NFIB: variants seen among roughly 807,000 people sequenced by gnomAD.
NFIB encodes nuclear factor 1 B-type.
Under a neutral mutation model 61.5 loss-of-function variants are expected in NFIB, and 11 were observed. The observed-to-expected ratio is 0.18, with a 90% CI of 0.11 to 0.30. NFIB has a LOEUF of 0.30. Among genes scored for constraint, NFIB ranks in the 10% least tolerant of loss-of-function variants. NFIB has a pLI of 1.00. For synonymous variants in NFIB, 260 were observed against 216.5 expected, an observed-to-expected ratio of 1.20 and a Z score of -1.76; for missense variants, 471 against 608.9, an observed-to-expected ratio of 0.77 and a Z score of 2.38.
intron 10 of NFIB, among the ~76,000 whole-genome samples, chr9:14,104,744 C>T (rs2036303744): frequency 6.8e-6 from 1 of 147,388 alleles, no homozygotes; most frequent in Admixed American, 6.8e-5. Context: ...CCATGCCTGG[C>T]TAATTAAAAA....
chr9:14,159,930 A>G (rs1459519016), intron 3 of NFIB, among the ~76,000 whole-genome samples: 1 of 152,208 alleles, frequency 6.6e-6, no homozygotes, highest in African/African-American at 2.4e-5. Context: ...TACAACAGCT[A>G]AAGATCTTAA....
intron 2 of NFIB, among the ~76,000 whole-genome samples, chr9:14,227,610 T>A (rs924343821): frequency 1.3e-5 from 2 of 152,262 alleles, no homozygotes; most frequent in Non-Finnish European, 2.9e-5. Context: ...ATGGTTTTTT[T>A]AAAAAAAATT....
At chr9:14,138,835 T>G (rs999836583) in intron 6 of NFIB, among the ~76,000 whole-genome samples, 1 of 152,122 alleles carries the variant, frequency 6.6e-6, no homozygotes, top group Admixed American at 6.6e-5. Flanking sequence ...ATTCATATCT[T>G]CAGTTTATTT....
At chr9:14,251,193 C>T (rs1488208017) in intron 2 of NFIB, among the ~76,000 whole-genome samples, 4 of 152,178 alleles carry the variant, frequency 2.6e-5, no homozygotes, top group Non-Finnish European at 5.9e-5. Context: ...GTTTGTTTTA[C>T]AAGAGAGGAA....
At chr9:14,150,875 C>T (rs772527585) in intron 4 of NFIB, among the ~76,000 whole-genome samples, 2 of 151,940 alleles carry the variant, frequency 1.3e-5, no homozygotes, top group Non-Finnish European at 2.9e-5. Context: ...GATGGATACC[C>T]CATTTACCCT....
chr9:14,488,637 T>C, the NFIB span, among the ~76,000 whole-genome samples: 1 of 152,086 alleles, frequency 6.6e-6, no homozygotes, highest in Admixed American at 6.6e-5. Flanking sequence ...CTAGGTGGTG[T>C]GTGGTGTGAA....
At chr9:14,323,643 G>C (rs551482585) in intron 1 of NFIB, among the ~76,000 whole-genome samples, 1 of 152,284 alleles carries the variant, frequency 6.6e-6, no homozygotes, top group South Asian at 2.1e-4. Flanking sequence ...TTACCAGTGA[G>C]ACTAGAATAG....
intron 10 of NFIB, among the ~76,000 whole-genome samples, chr9:14,105,230 A>G (rs1481531310): frequency 6.6e-6 from 1 of 152,210 alleles, no homozygotes; most frequent in Non-Finnish European, 1.5e-5. Context: ...ACAGCTATTC[A>G]TTATCATCTA....
intron 2 of NFIB, among the ~76,000 whole-genome samples, chr9:14,251,134 T>TG (rs1436223006): frequency 2.0e-5 from 3 of 152,220 alleles, no homozygotes; most frequent in African/African-American, 7.2e-5. Flanking sequence ...GGCATTCCTT[T>TG]GAAACATACA....
intron 2 of NFIB, among the ~76,000 whole-genome samples, chr9:14,262,503 C>G (rs959713248): frequency 6.6e-6 from 1 of 152,144 alleles, no homozygotes; most frequent in Non-Finnish European, 1.5e-5. Flanking sequence ...ACTCCCCACA[C>G]CAGGATTAAA....
At chr9:14,287,011 T>G (rs1027115810) in intron 2 of NFIB, among the ~76,000 whole-genome samples, 1 of 152,164 alleles carries the variant, frequency 6.6e-6, no homozygotes, top group Admixed American at 6.5e-5. Flanking sequence ...TCTAAGAACT[T>G]TCATTCACTT....
chr9:14,307,172 C>T lies in NFIB; in HGVS notation c.379G>A (p.Val127Ile). 6.2e-7 allele frequency: 1 copy of T among 1,614,104 alleles called. No homozygotes were observed. The highest frequency in any genetic ancestry group is 8.5e-7 in the Non-Finnish European group (1 of 1,180,012). The change falls in exon 2 of 11, where the codon GTC becomes ATC. Residue 127 changes from valine (V) to isoleucine (I), a missense_variant. Coordinates refer to ENST00000380953, the MANE Select transcript of NFIB (RefSeq NM_001190737.2). The surrounding 1 kb of genome is among the most constrained non-coding windows in gnomAD (Gnocchi z 5.3). The part of the protein sequence containing the change: ...RIDCLRQADK[V>I]WRLDLVMVIL... Reference sequence around the variant, plus strand: ...ACCATGACTAGATCCAGACGCCAGACTTTGTCTGCCTGTCGCAGGCAGTCG... The same window carrying T: ...ACCATGACTAGATCCAGACGCCAGATTTTGTCTGCCTGTCGCAGGCAGTCG...
intron 2 of NFIB, among the ~76,000 whole-genome samples, chr9:14,301,595 C>T (rs78646511): frequency 6.6e-6 from 1 of 152,048 alleles, no homozygotes. Context: ...TCTCTCCCCC[C>T]ACCCTTCCCT....
the NFIB span, among the ~76,000 whole-genome samples, chr9:14,472,281 G>C: frequency 0.07 from 10,599 of 152,278 alleles, 430 homozygotes; most frequent in South Asian, 0.1. Flanking sequence ...AGTTATGGAC[G>C]AAAGTGTATT....
intron 2 of NFIB, among the ~76,000 whole-genome samples, chr9:14,197,182 C>A (rs6474824): frequency 1.3e-5 from 2 of 152,166 alleles, no homozygotes; most frequent in South Asian, 2.1e-4. Flanking sequence ...CAGAGCTTGA[C>A]AACTTGCAGA....
At chr9:14,469,111 C>T in the NFIB span, among the ~76,000 whole-genome samples, 1 of 152,150 alleles carries the variant, frequency 6.6e-6, no homozygotes, top group Admixed American at 6.5e-5. Context: ...GCCTTTGTCT[C>T]GATCAAGACT....
intron 1 of NFIB, among the ~76,000 whole-genome samples, chr9:14,377,967 C>T (rs1165748724): frequency 6.6e-6 from 1 of 152,206 alleles, no homozygotes; most frequent in African/African-American, 2.4e-5. Context: ...GATGACAAAT[C>T]TGTGATCACT....
chr9:14,126,819 A>G (rs559239977), intron 6 of NFIB, among the ~76,000 whole-genome samples: 1 of 152,334 alleles, frequency 6.6e-6, no homozygotes, highest in South Asian at 2.1e-4. Flanking sequence ...AGAAATCATG[A>G]AGACCACTTC....
chr9:14,296,012 TC>T (rs1416079451), intron 2 of NFIB, among the ~76,000 whole-genome samples: 2 of 152,208 alleles, frequency 1.3e-5, no homozygotes, highest in Non-Finnish European at 2.9e-5. Context: ...CTAGCTAACT[TC>T]ATGTGCCTAC....
Sources: allele counts gnomAD v4.1 joint callset (sites outside exome capture counted in the v4.1 genomes callset), GRCh38; gene constraint gnomAD v4.1.1; non-coding constraint Gnocchi (gnomAD v3.1); transcripts MANE v1.5; gene names NCBI Gene and HGNC (gene_info 2026-07-23, HGNC 2026-07-21).